ZNF609: variants seen among roughly 807,000 people sequenced by gnomAD.
The protein encoded by ZNF609 is zinc finger protein 609.
ZNF609 carries 11 observed loss-of-function variants against 109.5 expected under a neutral mutation model. The ratio of observed to expected loss-of-function variants is 0.10; its 90% confidence interval spans 0.06 to 0.17. ZNF609 has a LOEUF of 0.17. ZNF609 is among the 10% of genes least tolerant of loss of function. The pLI, the probability that ZNF609 is intolerant of heterozygous loss-of-function variation, is 1.00. For synonymous variants in ZNF609, 646 were observed against 662.0 expected, an observed-to-expected ratio of 0.98 and a Z score of 0.37; for missense variants, 1,559 against 1,772.4, an observed-to-expected ratio of 0.88 and a Z score of 2.16.
chr15:64,670,555 A>C, intron 4 of ZNF609, 122 bp downstream of exon 4: 1 of 833,550 alleles, frequency 1.2e-6, no homozygotes, highest in Non-Finnish European at 2.0e-6. Flanking sequence ...TATAGATACC[A>C]GGGAAAGCAC....
intron 2 of ZNF609, among the ~76,000 whole-genome samples, chr15:64,579,349 G>A (rs1260296581): frequency 2.0e-5 from 3 of 150,174 alleles, no homozygotes; most frequent in African/African-American, 7.4e-5. Context: ...AGGTCAAGCT[G>A]CAGTCAGTTG....
chr15:64,627,663 C>CTTTTTTTTTTTTTTTTTTTT (rs35293725), intron 3 of ZNF609, among the ~76,000 whole-genome samples: 2 of 86,016 alleles, frequency 2.3e-5, no homozygotes, highest in Non-Finnish European at 4.2e-5. Context: ...TTTTTTCTTT[C>CTTTTTTTTTTTTTTTTTTTT]TTTTTTTTTT....
chr15:64,569,375 A>T (rs1894826210), intron 2 of ZNF609, among the ~76,000 whole-genome samples: 1 of 152,226 alleles, frequency 6.6e-6, no homozygotes, highest in African/African-American at 2.4e-5. Context: ...CACATAGAGG[A>T]TGCCTAATAA....
intron 1 of ZNF609, among the ~76,000 whole-genome samples, chr15:64,474,826 C>G (rs1219892240): frequency 2.0e-5 from 3 of 152,132 alleles, no homozygotes; most frequent in Admixed American, 6.6e-5. Context: ...CAATTTTGAT[C>G]ATTTTGCTTC....
Position 64,674,524 on chromosome 15 carries a change from G to C in ZNF609, c.1670G>C (p.Gly557Ala). ...AACGGTGCATCTGTCTCACAAAAAG[G>C]TTCCTTGTCCCCTGCCCGCTCAGCT... ...SCNGASVSQK[G>A]SLSPARSATP... is the part of the protein sequence containing the mutation. The change falls in exon 5 of 10, where the codon GGT becomes GCT. Residue 557 changes from glycine (G) to alanine (A), a missense_variant. Gly to Ala is a moderately conservative substitution (Grantham distance 60). Coordinates refer to ENST00000326648, the MANE Select transcript of ZNF609 (RefSeq NM_015042.2). 6.2e-7 allele frequency: 1 copy of C among 1,614,106 alleles called. No individual in the cohort carries two copies. The highest frequency in any genetic ancestry group is 8.5e-7 in the Non-Finnish European group (1 of 1,180,026).
At chr15:64,640,870 T>G (rs542548695) in intron 3 of ZNF609, among the ~76,000 whole-genome samples, 4 of 152,332 alleles carry the variant, frequency 2.6e-5, no homozygotes, top group Admixed American at 6.5e-5. Flanking sequence ...ATGCAAAGTT[T>G]CCCTAGTGTA....
chr15:64,584,172 G>A (rs1431482434), intron 2 of ZNF609, among the ~76,000 whole-genome samples: 1 of 152,102 alleles, frequency 6.6e-6, no homozygotes. Flanking sequence ...CCTTTTAAGA[G>A]GGTTCCCTGC....
chr15:64,564,163 C>T (rs545731201), intron 2 of ZNF609, among the ~76,000 whole-genome samples: 3 of 151,504 alleles, frequency 2.0e-5, no homozygotes, highest in South Asian at 2.1e-4. Context: ...ATGTTGTATG[C>T]GCTGGCTGCT....
intron 2 of ZNF609, among the ~76,000 whole-genome samples, chr15:64,530,875 G>T (rs1894050926): frequency 6.6e-6 from 1 of 152,184 alleles, no homozygotes; most frequent in Non-Finnish European, 1.5e-5. Flanking sequence ...AAGGAAATTA[G>T]TTGTTTATCA....
intron 8 of ZNF609, 100 bp from the exon 9 acceptor site, chr15:64,681,209 T>C (rs921424670): frequency 1.0e-5 from 10 of 996,832 alleles, no homozygotes; most frequent in Non-Finnish European, 1.5e-5. Context: ...TCTGGCTGAG[T>C]ATCAGATTTT....
In ZNF609 at chr15:64,684,533, TTGTACA is replaced by T. The variant is rs1420920250; in HGVS notation, c.*2858_*2863del. ...GTTCCCTTCATCCCCTTTTCCTGCCTTGTACATGTACATGTATGAAATTTCCTTCTC... is the reference window on the plus strand; with the variant it reads ...GTTCCCTTCATCCCCTTTTCCTGCCTTGTACATGTATGAAATTTCCTTCTC... On this transcript the variant is annotated 3_prime_UTR_variant, in exon 10 of 10. Coordinates refer to ENST00000326648, the MANE Select transcript of ZNF609 (RefSeq NM_015042.2). 3 of 152,364 alleles carry T rather than the reference TTGTACA, an allele frequency of 2.0e-5. No homozygotes were observed. Among genetic ancestry groups the T allele is most frequent in the Non-Finnish European group, 2.9e-5 (2 of 68,078 alleles). 9.4% of individuals were successfully genotyped at this position (152,364 alleles called of 1,614,324 possible). A position where few individuals can be genotyped will look rare whatever the true frequency, so the allele number is the denominator to read the frequency against.
At position 64,596,075 on chromosome 15, in the gene ZNF609, G is replaced by A. The variant is rs149862413; in HGVS notation, c.748-26752G>A. Among the ~76,000 whole-genome samples, 879 of 152,216 alleles carry A rather than the reference G, an allele frequency of 5.8e-3. 9 individuals carry two copies. The highest frequency in any genetic ancestry group is 0.019 in the African/African-American group (788 of 41,520). Reference sequence around the variant, plus strand: ...TCAGCCTCTTGAGCTTCTAGAATCAGCAGACTTGTTTTTCCATGGTGTGTC... The same window carrying A: ...TCAGCCTCTTGAGCTTCTAGAATCAACAGACTTGTTTTTCCATGGTGTGTC... On this transcript the variant is annotated intron_variant, in intron 2 of 9. Coordinates refer to ENST00000326648, the MANE Select transcript of ZNF609 (RefSeq NM_015042.2).
intron 2 of ZNF609, among the ~76,000 whole-genome samples, chr15:64,525,471 A>C (rs953788236): frequency 1.3e-5 from 2 of 152,168 alleles, no homozygotes; most frequent in African/African-American, 4.8e-5. Context: ...TACAATCTTG[A>C]TTACTCATCT....
intron 2 of ZNF609, among the ~76,000 whole-genome samples, chr15:64,579,091 C>G (rs1895049821): frequency 6.6e-6 from 1 of 151,940 alleles, no homozygotes; most frequent in South Asian, 2.1e-4. Flanking sequence ...AGATTTGCAT[C>G]TACATTTTGC....
chr15:64,662,186 A>G (rs542070397), intron 3 of ZNF609, among the ~76,000 whole-genome samples: 1 of 152,308 alleles, frequency 6.6e-6, no homozygotes, highest in East Asian at 1.9e-4. Context: ...TGTTCTCACA[A>G]AATGGCTGCT....
intron 2 of ZNF609, among the ~76,000 whole-genome samples, chr15:64,535,169 G>C (rs1240689332): frequency 1.3e-5 from 2 of 152,024 alleles, no homozygotes; most frequent in African/African-American, 4.8e-5. Flanking sequence ...CTATCCTCCT[G>C]CCTCAACCTC....
In ZNF609 at chr15:64,615,381, G is replaced by T. The variant is rs189374979; in HGVS notation, c.748-7446G>T. Among the ~76,000 whole-genome samples, 4 of 151,744 alleles carry T rather than the reference G, an allele frequency of 2.6e-5. No homozygotes were observed. In the South Asian group the frequency reaches 8.4e-4, roughly 32 times the overall value. ...TGGTCTGAAACTCCTGAGCTCAAGT[G>T]AACCTCTGTCCTTGGCCTCCCAAAG... On this transcript the variant is annotated intron_variant, in intron 2 of 9. Coordinates refer to ENST00000326648, the MANE Select transcript of ZNF609 (RefSeq NM_015042.2).
chr15:64,550,112 C>T (rs1045366017), intron 2 of ZNF609, among the ~76,000 whole-genome samples: 15 of 152,038 alleles, frequency 9.9e-5, no homozygotes, highest in Admixed American at 6.6e-5. Context: ...CCACCACACC[C>T]AGCTAATTTT....
intron 2 of ZNF609, among the ~76,000 whole-genome samples, chr15:64,511,334 A>G (rs1334884545): frequency 6.6e-6 from 1 of 151,900 alleles, no homozygotes; most frequent in Non-Finnish European, 1.5e-5. Flanking sequence ...TTAGCCAGGC[A>G]TGGTGGCGTG....
Sources: allele counts gnomAD v4.1 joint callset (sites outside exome capture counted in the v4.1 genomes callset), GRCh38; gene constraint gnomAD v4.1.1; transcripts MANE v1.5; gene names NCBI Gene and HGNC (gene_info 2026-07-23, HGNC 2026-07-21).